Variants in C17orf75 observed in about 807,000 individuals in gnomAD.
C17orf75 encodes chromosome 17 open reading frame 75, also known as protein Njmu-R1.
A neutral mutation model predicts 49.6 loss-of-function variants in C17orf75; 32 were observed. The observed-to-expected ratio is 0.65, with a 90% CI of 0.49 to 0.87. The LOEUF (loss-of-function observed/expected upper bound fraction) is 0.87, where lower values mean the gene tolerates loss of function less well. C17orf75 is among the 40% of genes least tolerant of loss of function. C17orf75 has a pLI of 0.00. For missense variants in C17orf75, 428 were observed against 473.9 expected (o/e 0.90, Z 0.90); for synonymous variants, 158 against 159.5 (o/e 0.99, Z 0.07).
At chr17:32,333,604 C>T in intron 8 of C17orf75, 84 bp from the exon 9 acceptor site, 2 of 1,260,602 alleles carry the variant, frequency 1.6e-6, no homozygotes, top group Non-Finnish European at 2.3e-6. Flanking sequence ...GAGATTCGCT[C>T]TTGTTGCCCG....
intron 1 of C17orf75, 38 bp downstream of exon 1, chr17:32,341,962 G>C (rs1237755666): frequency 7.4e-7 from 1 of 1,354,176 alleles, no homozygotes; most frequent in Admixed American, 2.9e-5. Flanking sequence ...GGGGCCGCAG[G>C]GGCGGGCGGG....
At chr17:32,346,582 G>C (rs78219327), upstream of C17orf75, among the ~76,000 whole-genome samples, 1 of 147,216 alleles carries the variant, frequency 6.8e-6, no homozygotes, top group African/African-American at 2.5e-5. Context: ...ATTTTTTTTT[G>C]TTTTTTTTTG....
At chr17:32,347,340 G>A (rs928152708) in intron 1 of C17orf75, among the ~76,000 whole-genome samples, 2 of 151,208 alleles carry the variant, frequency 1.3e-5, no homozygotes, top group South Asian at 2.1e-4. Context: ...GTGCAATGGC[G>A]CAATCTCGGC....
At chr17:32,336,404 G>T (rs1206794399) in intron 5 of C17orf75, among the ~76,000 whole-genome samples, 12 of 152,208 alleles carry the variant, frequency 7.9e-5, no homozygotes, top group Non-Finnish European at 1.6e-4. Flanking sequence ...TGTAGAGATG[G>T]GGTTTCACTT....
intron 2 of C17orf75, among the ~76,000 whole-genome samples, chr17:32,340,363 G>A (rs978308042): frequency 5.3e-5 from 8 of 152,084 alleles, no homozygotes; most frequent in African/African-American, 1.7e-4. Flanking sequence ...GGCTGGGGCC[G>A]GGAGCAGTGG....
upstream of C17orf75, among the ~76,000 whole-genome samples, chr17:32,345,559 C>T (rs1205439099): frequency 1.3e-4 from 17 of 135,762 alleles, no homozygotes; most frequent in South Asian, 7.3e-4. Context: ...TGGCCGGGCG[C>T]GGTGGCTCAC....
At position 32,328,970 on chromosome 17, in the gene C17orf75, T is replaced by A. The variant is rs949766102; in HGVS notation, c.*2793A>T. On this transcript the variant is annotated 3_prime_UTR_variant, in exon 10 of 10. Transcript: ENST00000577809. Reference sequence around the variant, plus strand: ...TATTAAAATTTGAATACAGTACATGTTTCTAGTCATGAACTCTGTGGTTTC... The same window carrying A: ...TATTAAAATTTGAATACAGTACATGATTCTAGTCATGAACTCTGTGGTTTC... The A allele has an allele frequency of 1.3e-5, 2 of 152,168 alleles. No homozygotes were observed. The highest frequency in any genetic ancestry group is 4.8e-5 in the African/African-American group (2 of 41,444). 9.4% of individuals were successfully genotyped at this position (152,168 alleles called of 1,614,324 possible). A position where few individuals can be genotyped will look rare whatever the true frequency, so the allele number is the denominator to read the frequency against.
intron 5 of C17orf75, among the ~76,000 whole-genome samples, 173 bp from the exon 6 acceptor site, chr17:32,335,615 T>A (rs967194295): frequency 6.6e-6 from 1 of 152,168 alleles, no homozygotes; most frequent in Non-Finnish European, 1.5e-5. Context: ...CCTGGCTTGT[T>A]GGGCAGGGTG....
chr17:32,344,933 A>G (rs2041414097), upstream of C17orf75, among the ~76,000 whole-genome samples: 1 of 152,010 alleles, frequency 6.6e-6, no homozygotes, highest in Admixed American at 6.6e-5. Context: ...AAATAAAAAA[A>G]GAAAGAAAGG....
At chr17:32,342,245 G>C, upstream of C17orf75, 1 of 1,370,932 alleles carries the variant, frequency 7.3e-7, no homozygotes, top group Non-Finnish European at 9.5e-7. Flanking sequence ...GCACACCTGC[G>C]TTCCGCTGGT....
In C17orf75 at chr17:32,342,107, T is replaced by G. The variant is rs1248517316; in HGVS notation, c.33A>C (p.Gly11=). The change falls in exon 1 of 10, where the codon GGA becomes GGC. Residue 11 remains glycine (G), a synonymous_variant. Coordinates refer to ENST00000577809, the MANE Select transcript of C17orf75 (RefSeq NM_022344.4). MLPSLQESMD[G]DEKELESSEE... is the part of the protein sequence containing the mutation. ...CGCTGCTCTCTAGTTCCTTTTCATC[T>G]CCATCCATCGACTCCTGCAAAGAGG... 100 of 1,601,512 alleles carry G rather than the reference T, an allele frequency of 6.2e-5. No individual in the cohort carries two copies. The highest frequency in any genetic ancestry group is 7.7e-5 in the Non-Finnish European group (90 of 1,174,782).
Position 32,334,525 on chromosome 17 carries a change from T to C in C17orf75, c.815A>G (p.Gln272Arg). Residue 272 changes from glutamine to arginine, a missense_variant, in exon 8 of 10, where the codon CAG (glutamine) becomes CGG (arginine). Gln to Arg is a conservative substitution (Grantham distance 43). Coordinates refer to ENST00000577809, the MANE Select transcript of C17orf75 (RefSeq NM_022344.4). ...GCAATCGATGACCACAGACTTATGC[T>C]GCTCCTCTGTCATGGCCATGCACAA... ...TSLCMAMTEEQHKSVVIDCSS... is the reference protein window; with the variant it reads ...TSLCMAMTEERHKSVVIDCSS... The C allele has an allele frequency of 6.2e-7, 1 of 1,612,580 alleles. No individual in the cohort carries two copies. Among genetic ancestry groups the C allele is most frequent in the African/African-American group, 1.3e-5 (1 of 75,048 alleles).
At chr17:32,339,709 C>T in intron 3 of C17orf75, 104 bp downstream of exon 3, 2 of 1,467,106 alleles carry the variant, frequency 1.4e-6, no homozygotes, top group Non-Finnish European at 1.8e-6. Context: ...AGAATAAAGA[C>T]AAATTCTGCA....
chr17:32,332,965 C>G (rs961831929), intron 9 of C17orf75, among the ~76,000 whole-genome samples: 2 of 152,154 alleles, frequency 1.3e-5, no homozygotes, highest in African/African-American at 4.8e-5. Context: ...CATGCGCCAC[C>G]AGGCCCAGCT....
At chr17:32,342,924 T>C (rs1474869768), upstream of C17orf75, among the ~76,000 whole-genome samples, 1 of 152,232 alleles carries the variant, frequency 6.6e-6, no homozygotes, top group Non-Finnish European at 1.5e-5. Flanking sequence ...CAGTTTTCTG[T>C]CTCAGTCCAT....
chr17:32,335,568 A>G (rs1375507021), intron 5 of C17orf75, 126 bp from the exon 6 acceptor site: 3 of 1,175,008 alleles, frequency 2.6e-6, no homozygotes, highest in Non-Finnish European at 3.5e-6. Flanking sequence ...TAAAGCTAAC[A>G]CCACCAATTC....
At chr17:32,343,722 T>C, upstream of C17orf75, 1 of 596,894 alleles carries the variant, frequency 1.7e-6, no homozygotes, top group Non-Finnish European at 3.0e-6. Flanking sequence ...TCCCATTCAG[T>C]AACATTGTCA....
intron 8 of C17orf75, among the ~76,000 whole-genome samples, chr17:32,333,909 C>T (rs1483846563): frequency 6.6e-6 from 1 of 152,232 alleles, no homozygotes; most frequent in Non-Finnish European, 1.5e-5. Flanking sequence ...ATCACATCCC[C>T]CTTCCTTTCC....
Position 32,337,947 on chromosome 17 carries a change from G to GTACATT in C17orf75, c.498_499insAATGTA (p.Arg166_Leu167insAsnVal). ...CCTTGAATGTACTTGTCCAATTCAA[G>GTACATT]CCTGAAAGTATGTTCTTAAGGAAGC... On this transcript the variant is annotated inframe_insertion, in exon 5 of 10. Coordinates refer to ENST00000577809, the MANE Select transcript of C17orf75 (RefSeq NM_022344.4). 1 of 1,602,400 alleles carries GTACATT rather than the reference G, an allele frequency of 6.2e-7. No homozygotes were observed. Among genetic ancestry groups the GTACATT allele is most frequent in the Non-Finnish European group, 8.5e-7 (1 of 1,173,476 alleles).
Sources: gnomAD v4.1 joint callset for allele counts (sites outside exome capture counted in the v4.1 genomes callset) on GRCh38, gnomAD v4.1.1 for gene constraint, MANE v1.5 for transcripts, NCBI Gene and HGNC (gene_info 2026-07-23, HGNC 2026-07-21) for gene names.